Variants in FOXP2 observed in about 807,000 individuals in gnomAD.
FOXP2 encodes the protein forkhead box P2, also known as forkhead box protein P2.
In FOXP2, 12 loss-of-function variants were observed where a neutral mutation model predicts 115.8. The observed-to-expected ratio is 0.10, with a 90% CI of 0.07 to 0.17. The LOEUF is 0.17. Ranked by LOEUF, FOXP2 falls within the 10% of genes least tolerant of loss-of-function variation. The pLI is 1.00. For synonymous variants in FOXP2, 328 were observed against 297.7 expected (o/e 1.10, Z -1.05); for missense variants, 629 against 843.5 (o/e 0.75, Z 3.15).
intron 2 of FOXP2, among the ~76,000 whole-genome samples, chr7:114,330,387 C>T (rs906887062): frequency 6.6e-6 from 1 of 151,072 alleles, no homozygotes; most frequent in African/African-American, 2.4e-5. Flanking sequence ...AATCCTAGCA[C>T]TCTGGGTGGC....
At chr7:114,218,383 A>T (rs1026963585) in intron 1 of FOXP2, among the ~76,000 whole-genome samples, 2 of 152,144 alleles carry the variant, frequency 1.3e-5, no homozygotes, top group Non-Finnish European at 2.9e-5. Context: ...CCCCAGAAAA[A>T]TTATTCTTTG....
At chr7:114,099,968 C>T (rs186467994) in intron 1 of FOXP2, among the ~76,000 whole-genome samples, 6 of 152,246 alleles carry the variant, frequency 3.9e-5, no homozygotes, top group Admixed American at 3.9e-4. Context: ...TGTTAATTTG[C>T]TTCACTATAG....
intron 1 of FOXP2, among the ~76,000 whole-genome samples, chr7:114,173,936 T>C (rs1380911395): frequency 6.6e-6 from 1 of 151,964 alleles, no homozygotes; most frequent in Non-Finnish European, 1.5e-5. Context: ...TGGGTTCAAA[T>C]GTTTGCTCTG....
At chr7:114,187,718 C>A (rs943491489) in intron 1 of FOXP2, among the ~76,000 whole-genome samples, 1 of 152,158 alleles carries the variant, frequency 6.6e-6, no homozygotes, top group Non-Finnish European at 1.5e-5. Flanking sequence ...ATTCGTGATA[C>A]CAGTTTTTGT....
intron 2 of FOXP2, among the ~76,000 whole-genome samples, chr7:114,453,691 C>T (rs1795164244): frequency 6.6e-6 from 1 of 151,994 alleles, no homozygotes; most frequent in Non-Finnish European, 1.5e-5. Context: ...CATTCTGCCT[C>T]TCTATTCTTG....
intron 2 of FOXP2, among the ~76,000 whole-genome samples, chr7:114,476,153 T>A (rs1796249734): frequency 6.6e-6 from 1 of 151,950 alleles, no homozygotes; most frequent in Non-Finnish European, 1.5e-5. Flanking sequence ...TTTTTATTTT[T>A]GTTGCAGTTG....
intron 1 of FOXP2, among the ~76,000 whole-genome samples, chr7:114,156,043 T>C (rs1274088685): frequency 6.6e-6 from 1 of 152,120 alleles, no homozygotes; most frequent in Non-Finnish European, 1.5e-5. Flanking sequence ...GTTCTTCCCT[T>C]ACCAGTCTGA....
chr7:114,329,787 C>T (rs1456716869), intron 2 of FOXP2, among the ~76,000 whole-genome samples: 1 of 151,948 alleles, frequency 6.6e-6, no homozygotes, highest in Non-Finnish European at 1.5e-5. Flanking sequence ...AGCAGTTCTC[C>T]TGCCTCAGCC....
At chr7:114,630,356 A>T (rs777244536) in intron 5 of FOXP2, among the ~76,000 whole-genome samples, 2 of 152,120 alleles carry the variant, frequency 1.3e-5, no homozygotes, top group Non-Finnish European at 1.5e-5. Flanking sequence ...GAGAACATGC[A>T]TGCAAATTTG....
intron 2 of FOXP2, among the ~76,000 whole-genome samples, chr7:114,324,876 T>A (rs1320428919): frequency 2.0e-5 from 3 of 151,876 alleles, no homozygotes; most frequent in Non-Finnish European, 4.4e-5. Flanking sequence ...TTTTAAAAAA[T>A]CCAGTTCCTT....
At chr7:114,613,165 T>A (rs1159696967) in intron 3 of FOXP2, among the ~76,000 whole-genome samples, 1 of 152,216 alleles carries the variant, frequency 6.6e-6, no homozygotes, top group Non-Finnish European at 1.5e-5. Flanking sequence ...CATAACTGCA[T>A]TTAGAATTTT....
At chr7:114,241,720 C>T (rs532781146) in intron 1 of FOXP2, among the ~76,000 whole-genome samples, 3 of 143,518 alleles carry the variant, frequency 2.1e-5, no homozygotes, top group South Asian at 2.3e-4. Flanking sequence ...GGAAATAAAA[C>T]GTAAAAAAAA....
At chr7:114,129,983 T>C (rs1049049667) in intron 1 of FOXP2, among the ~76,000 whole-genome samples, 1 of 152,124 alleles carries the variant, frequency 6.6e-6, no homozygotes, top group Admixed American at 6.5e-5. Flanking sequence ...ACCTGAAAAC[T>C]TTTCTTGATG....
intron 2 of FOXP2, among the ~76,000 whole-genome samples, chr7:114,522,312 G>A (rs1485787587): frequency 6.6e-6 from 1 of 152,096 alleles, no homozygotes; most frequent in Non-Finnish European, 1.5e-5. Context: ...GGAGAAACTT[G>A]TTTTTTCTAC....
chr7:114,267,319 A>C (rs78749903), intron 1 of FOXP2, among the ~76,000 whole-genome samples: 6,331 of 152,226 alleles, frequency 0.042, 328 homozygotes, highest in African/African-American at 0.12. Context: ...AATTCAAAGA[A>C]CATCTTCCAT....
intron 2 of FOXP2, among the ~76,000 whole-genome samples, chr7:114,330,587 G>T (rs1485160538): frequency 6.6e-6 from 1 of 150,884 alleles, no homozygotes; most frequent in African/African-American, 2.4e-5. Context: ...GAGTATTGTT[G>T]CATGATGTCT....
rs930241237 is a variant in FOXP2, at chr7:114,690,270, A to G, written c.*344A>G. 4.3e-6 allele frequency: 2 copies of G among 463,066 alleles called. No individual in the cohort carries two copies. The highest frequency in any genetic ancestry group is 2.0e-5 in the African/African-American group (1 of 50,390). 28.7% of individuals were successfully genotyped at this position (463,066 alleles called of 1,614,324 possible). A position where few individuals can be genotyped will look rare whatever the true frequency, so the allele number is the denominator to read the frequency against. Reference sequence around the variant, plus strand: ...ATGAAATGACTGAATATGAGGATACATGTCCTGTAGAAAGCAAATGCGCCT... The same window carrying G: ...ATGAAATGACTGAATATGAGGATACGTGTCCTGTAGAAAGCAAATGCGCCT... On this transcript the variant is annotated 3_prime_UTR_variant, in exon 17 of 17. Coordinates refer to ENST00000350908, the MANE Select transcript of FOXP2 (RefSeq NM_014491.4).
intron 2 of FOXP2, among the ~76,000 whole-genome samples, chr7:114,468,783 T>C (rs1021270253): frequency 6.6e-6 from 1 of 152,180 alleles, no homozygotes; most frequent in Admixed American, 6.6e-5. Context: ...CCCTGCAAAC[T>C]ACTGTGAGCT....
chr7:114,652,384 A>G (rs1806316884), intron 9 of FOXP2, 94 bp downstream of exon 9: 1 of 1,094,024 alleles, frequency 9.1e-7, no homozygotes, highest in Non-Finnish European at 1.4e-6. Context: ...CCTGCATTTT[A>G]CTGTCTTAGC....
Sources: gnomAD v4.1 joint callset for allele counts (sites outside exome capture counted in the v4.1 genomes callset) on GRCh38, gnomAD v4.1.1 for gene constraint, MANE v1.5 for transcripts, NCBI Gene and HGNC (gene_info 2026-07-23, HGNC 2026-07-21) for gene names.